Variants in FAM227B observed in about 807,000 individuals in gnomAD.
FAM227B encodes the protein protein FAM227B.
FAM227B carries 88 observed loss-of-function variants against 73.8 expected under a neutral mutation model. The observed-to-expected ratio is 1.19, with a 90% CI of 1.00 to 1.42. FAM227B has a LOEUF of 1.42. FAM227B is among the 40% of genes most tolerant of loss of function. The pLI is 0.00. For synonymous variants in FAM227B, 210 were observed against 190.5 expected (o/e 1.10, Z -0.84); for missense variants, 632 against 590.9 (o/e 1.07, Z -0.72).
chr15:49,531,416 T>C (rs1415149661), intron 10 of FAM227B, among the ~76,000 whole-genome samples: 1 of 151,992 alleles, frequency 6.6e-6, no homozygotes, highest in East Asian at 1.9e-4. Context: ...GTTTAAAGTG[T>C]AGGGAAATAA....
At chr15:49,331,030 C>A (rs1209776610) in intron 15 of FAM227B, 1 of 152,162 alleles carries the variant, frequency 6.6e-6, no homozygotes, top group East Asian at 1.9e-4. Context: ...TATACAACAC[C>A]CAGGTGTTTC....
chr15:49,403,337 A>T (rs1170019915), intron 11 of FAM227B, among the ~76,000 whole-genome samples: 1 of 152,172 alleles, frequency 6.6e-6, no homozygotes, highest in Non-Finnish European at 1.5e-5. Flanking sequence ...TTTCAGTAGA[A>T]ATGGTCCAGC....
chr15:49,413,476 A>G (rs2049007903), intron 11 of FAM227B, among the ~76,000 whole-genome samples: 1 of 152,102 alleles, frequency 6.6e-6, no homozygotes. Flanking sequence ...CAGCAGCATA[A>G]GAACAGACTA....
At chr15:49,422,819 CAT>C (rs2049801917) in intron 11 of FAM227B, 2 of 980,662 alleles carry the variant, frequency 2.0e-6, no homozygotes, top group South Asian at 1.6e-5. Flanking sequence ...TTAAGGCACT[CAT>C]ATGTTAGTTA....
chr15:49,349,671 T>C (rs747727375), intron 13 of FAM227B, among the ~76,000 whole-genome samples: 2 of 152,134 alleles, frequency 1.3e-5, no homozygotes, highest in Non-Finnish European at 2.9e-5. Flanking sequence ...ATCAGAAATA[T>C]TCTAACTGTA....
At position 49,504,450 on chromosome 15, in the gene FAM227B, A is replaced by T. The variant is rs1240203185; in HGVS notation, c.1012+3761T>A. ...TAAAAAAAAAGAAAAGATCAGATAT[A>T]TATTGTTCATAACTTTGTTACTCAA... On this transcript the variant is annotated intron_variant, in intron 11 of 15. Transcript: ENST00000299338. 4.6e-5 allele frequency among the ~76,000 whole-genome samples: 7 copies of T among 152,084 alleles called. No homozygotes were observed. In the East Asian group the frequency reaches 1.4e-3, roughly 29 times the overall value.
chr15:49,595,032 G>A (rs903723121), intron 3 of FAM227B, among the ~76,000 whole-genome samples: 5 of 151,946 alleles, frequency 3.3e-5, no homozygotes, highest in African/African-American at 1.2e-4. Flanking sequence ...TCATTTTCAC[G>A]ATATTGATTC....
At chr15:49,553,483 A>C (rs2152315378) in intron 9 of FAM227B, among the ~76,000 whole-genome samples, 1 of 152,352 alleles carries the variant, frequency 6.6e-6, no homozygotes, top group East Asian at 1.9e-4. Context: ...CAAGTGGCAA[A>C]GCCAGCCAGG....
At chr15:49,349,325 C>A (rs918500315) in intron 13 of FAM227B, among the ~76,000 whole-genome samples, 1 of 152,064 alleles carries the variant, frequency 6.6e-6, no homozygotes, top group East Asian at 1.9e-4. Context: ...CATTTTAAAA[C>A]TCATCCTCCC....
intron 13 of FAM227B, among the ~76,000 whole-genome samples, chr15:49,348,628 T>G (rs1343265148): frequency 6.6e-6 from 1 of 152,190 alleles, no homozygotes; most frequent in Non-Finnish European, 1.5e-5. Context: ...AGAGTAGGTT[T>G]TGTTTACTTT....
chr15:49,574,240 AAC>A (rs1309138581), intron 8 of FAM227B, among the ~76,000 whole-genome samples: 7 of 152,110 alleles, frequency 4.6e-5, no homozygotes, highest in African/African-American at 1.7e-4. Flanking sequence ...CTTCCAGTAA[AAC>A]ACAGTTTCAG....
intron 11 of FAM227B, among the ~76,000 whole-genome samples, chr15:49,481,252 A>G (rs2055915784): frequency 6.6e-6 from 1 of 152,262 alleles, no homozygotes; most frequent in African/African-American, 2.4e-5. Flanking sequence ...GGCAAAAGCC[A>G]CAATTACTTT....
At chr15:49,571,511 T>C (rs1281436660) in intron 8 of FAM227B, among the ~76,000 whole-genome samples, 1 of 151,968 alleles carries the variant, frequency 6.6e-6, no homozygotes, top group Non-Finnish European at 1.5e-5. Flanking sequence ...CTTTAATTCA[T>C]GCTGACTTTT....
chr15:49,506,315 G>A (rs1038056779), intron 11 of FAM227B, among the ~76,000 whole-genome samples: 3 of 151,726 alleles, frequency 2.0e-5, no homozygotes, highest in African/African-American at 7.3e-5. Context: ...TTTGTTTTAC[G>A]TTTTTGTTTT....
At chr15:49,591,043 T>TG (rs2076514663) in intron 3 of FAM227B, among the ~76,000 whole-genome samples, 4 of 118,358 alleles carry the variant, frequency 3.4e-5, no homozygotes, top group African/African-American at 9.5e-5. Context: ...TTTTTTTTTT[T>TG]GATTTTTTTT....
intron 5 of FAM227B, among the ~76,000 whole-genome samples, chr15:49,579,033 A>T (rs2075643337): frequency 6.6e-6 from 1 of 152,224 alleles, no homozygotes. Flanking sequence ...TCTCAAAAGA[A>T]GACATATAAA....
At chr15:49,511,433 G>C (rs2058992102) in intron 10 of FAM227B, among the ~76,000 whole-genome samples, 1 of 152,060 alleles carries the variant, frequency 6.6e-6, no homozygotes, top group East Asian at 1.9e-4. Flanking sequence ...GATTGAGTTA[G>C]TAGGCACATA....
intron 8 of FAM227B, among the ~76,000 whole-genome samples, chr15:49,574,454 TAAA>T (rs2152371787): frequency 6.6e-6 from 1 of 152,272 alleles, no homozygotes; most frequent in South Asian, 2.1e-4. Context: ...ATCTGTGGTT[TAAA>T]AAGTGTGGCA....
intron 9 of FAM227B, among the ~76,000 whole-genome samples, chr15:49,550,088 G>C (rs1237452196): frequency 1.4e-5 from 2 of 145,994 alleles, no homozygotes; most frequent in African/African-American, 5.1e-5. Flanking sequence ...TCCTGGACGG[G>C]GGCGGCTGGC....
Sources: allele counts gnomAD v4.1 joint callset (sites outside exome capture counted in the v4.1 genomes callset), GRCh38; gene constraint gnomAD v4.1.1; transcripts MANE v1.5; gene names NCBI Gene and HGNC (gene_info 2026-07-23, HGNC 2026-07-21).